Variants in SEZ6L observed in about 807,000 individuals in gnomAD.
SEZ6L encodes seizure 6-like protein.
In SEZ6L, 37 loss-of-function variants were observed where a neutral mutation model predicts 106.2. That is an observed-to-expected ratio of 0.35 (90% CI 0.27 to 0.46). The LOEUF is 0.46. Ranked by LOEUF, SEZ6L falls within the 20% of genes least tolerant of loss-of-function variation. The pLI is 1.00. For synonymous variants in SEZ6L, 541 were observed against 570.4 expected (o/e 0.95, Z 0.73); for missense variants, 1,172 against 1,332.8 (o/e 0.88, Z 1.88).
Position 26,338,627 on chromosome 22 carries a change from T to C in SEZ6L, c.2016-1809T>C, listed in dbSNP as rs562617872. The stretch of plus-strand genomic sequence containing the variant: ...CAGGCTGGAGTGCAGTGGCACAATC[T>C]CAGCTCACTTCAACCTCCACCTCCC... On this transcript the variant is annotated intron_variant, in intron 9 of 16. Coordinates refer to ENST00000248933, the MANE Select transcript of SEZ6L (RefSeq NM_021115.5). 2.6e-3 allele frequency among the ~76,000 whole-genome samples: 390 copies of C among 151,850 alleles called. 10 individuals carry two copies. The highest frequency in any genetic ancestry group is 0.021 in the Admixed American group (321 of 15,254).
chr22:26,302,646 C>CT (rs1173797031), intron 5 of SEZ6L, among the ~76,000 whole-genome samples: 3 of 152,024 alleles, frequency 2.0e-5, no homozygotes, highest in Non-Finnish European at 4.4e-5. Flanking sequence ...ATTTTTCTTT[C>CT]TTTTTTTTAA....
intron 1 of SEZ6L, among the ~76,000 whole-genome samples, chr22:26,251,555 T>C (rs2079586979): frequency 6.6e-6 from 1 of 152,186 alleles, no homozygotes. Flanking sequence ...AAGTCAGGCA[T>C]CTTGGGTTTG....
chr22:26,252,612 A>T (rs541681990), intron 1 of SEZ6L, among the ~76,000 whole-genome samples: 2 of 152,166 alleles, frequency 1.3e-5, no homozygotes, highest in Non-Finnish European at 2.9e-5. Context: ...TATTGTGACC[A>T]TCTAAATGTA....
intron 12 of SEZ6L, among the ~76,000 whole-genome samples, chr22:26,359,117 T>G (rs776524674): frequency 4.6e-5 from 7 of 152,188 alleles, no homozygotes; most frequent in Non-Finnish European, 1.0e-4. Context: ...AAATTCAAGT[T>G]CCTATTCCTT....
At chr22:26,174,702 T>C (rs1938862254) in intron 1 of SEZ6L, among the ~76,000 whole-genome samples, 1 of 152,136 alleles carries the variant, frequency 6.6e-6, no homozygotes, top group Admixed American at 6.5e-5. Context: ...CTTTGGTGGC[T>C]GTGACAAGAG....
chr22:26,210,002 G>A (rs1450896100), intron 1 of SEZ6L, among the ~76,000 whole-genome samples: 2 of 151,162 alleles, frequency 1.3e-5, no homozygotes, highest in Non-Finnish European at 2.9e-5. Context: ...AGGAAGGAAG[G>A]AAGAAGGATG....
chr22:26,375,095 T>G (rs1478325019), intron 14 of SEZ6L, among the ~76,000 whole-genome samples: 1 of 151,926 alleles, frequency 6.6e-6, no homozygotes, highest in Non-Finnish European at 1.5e-5. Flanking sequence ...CTTAGAAACC[T>G]TGCGGCTGAC....
At chr22:26,253,276 C>T (rs1267120069) in intron 1 of SEZ6L, among the ~76,000 whole-genome samples, 1 of 152,192 alleles carries the variant, frequency 6.6e-6, no homozygotes, top group African/African-American at 2.4e-5. Flanking sequence ...GCATCACCAG[C>T]ATAGTCTTGG....
chr22:26,229,243 C>A (rs956526270), intron 1 of SEZ6L, among the ~76,000 whole-genome samples: 2 of 152,192 alleles, frequency 1.3e-5, no homozygotes, highest in African/African-American at 4.8e-5. Flanking sequence ...GTGATCCACC[C>A]GCCTTGGTCT....
At chr22:26,277,524 G>A (rs1244865638) in intron 1 of SEZ6L, among the ~76,000 whole-genome samples, 2 of 152,202 alleles carry the variant, frequency 1.3e-5, no homozygotes, top group Non-Finnish European at 2.9e-5. Context: ...CAAACCATGC[G>A]AGTTATGTGG....
chr22:26,176,216 T>C (rs1938991201), intron 1 of SEZ6L, among the ~76,000 whole-genome samples: 1 of 152,212 alleles, frequency 6.6e-6, no homozygotes, highest in Non-Finnish European at 1.5e-5. Flanking sequence ...TCATGGACAA[T>C]GAGCGGTGGA....
chr22:26,262,595 G>C (rs1429303590), intron 1 of SEZ6L, among the ~76,000 whole-genome samples: 2 of 152,190 alleles, frequency 1.3e-5, no homozygotes, highest in Non-Finnish European at 2.9e-5. Flanking sequence ...ACAGACGTAA[G>C]TGTTACCAGC....
intron 1 of SEZ6L, among the ~76,000 whole-genome samples, chr22:26,267,079 A>G (rs2080216044): frequency 6.6e-6 from 1 of 152,178 alleles, no homozygotes; most frequent in Non-Finnish European, 1.5e-5. Flanking sequence ...TTAAACCAAG[A>G]GCTAACATTT....
chr22:26,342,485 C>A (rs1038938609), intron 10 of SEZ6L, among the ~76,000 whole-genome samples: 1 of 151,192 alleles, frequency 6.6e-6, no homozygotes, highest in Non-Finnish European at 1.5e-5. Flanking sequence ...GTCAGGAGAT[C>A]GAGACCATCC....
chr22:26,350,863 A>C (rs2083254287), intron 11 of SEZ6L, among the ~76,000 whole-genome samples, 189 bp from the exon 12 acceptor site: 1 of 151,908 alleles, frequency 6.6e-6, no homozygotes, highest in African/African-American at 2.4e-5. Context: ...TCACCATGTT[A>C]GCCAGGATGG....
chr22:26,257,417 G>C (rs2079859021), intron 1 of SEZ6L, among the ~76,000 whole-genome samples: 1 of 152,094 alleles, frequency 6.6e-6, no homozygotes, highest in African/African-American at 2.4e-5. Context: ...TTATTTTCTA[G>C]CATCTCACAA....
intron 1 of SEZ6L, among the ~76,000 whole-genome samples, chr22:26,219,301 G>A (rs544159168): frequency 4.6e-4 from 66 of 144,700 alleles, no homozygotes; most frequent in African/African-American, 1.6e-3. Context: ...AGGAAAGCAG[G>A]TAGGAAGAAA....
chr22:26,347,838 G>A lies in SEZ6L; in HGVS notation c.2332G>A (p.Asp778Asn), dbSNP rs768459906. ...RITYQCDPGY[D>N]IVGSDTLTCQ... ...CACCTACCAGTGTGACCCCGGCTAT[G>A]ACATCGTGGGGAGTGACACCCTCAC... The change falls in exon 11 of 17, where the codon GAC becomes AAC. Residue 778 changes from aspartate to asparagine, a missense_variant. Around this residue, in one of 4 missense-constraint regions of SEZ6L, gnomAD observed 534 missense variants for 691.0 expected, o/e 0.77. Transcript: ENST00000248933. 55 of 1,604,732 alleles carry A rather than the reference G, an allele frequency of 3.4e-5. 1 individual carries two copies. In the Middle Eastern group the frequency reaches 4.9e-4, roughly 14 times the overall value.
intron 1 of SEZ6L, among the ~76,000 whole-genome samples, chr22:26,249,033 T>G (rs1388648981): frequency 6.6e-6 from 1 of 152,234 alleles, no homozygotes; most frequent in Non-Finnish European, 1.5e-5. Context: ...TTCTCTTTTT[T>G]AAGTATTTTT....
Sources: allele counts gnomAD v4.1 joint callset (sites outside exome capture counted in the v4.1 genomes callset), GRCh38; gene constraint gnomAD v4.1.1; regional missense constraint gnomAD v4.1.1; transcripts MANE v1.5; gene names NCBI Gene and HGNC (gene_info 2026-07-23, HGNC 2026-07-21).